The following ADAMTS12 variants were observed in gnomAD, a reference collection of about 807,000 sequenced individuals.
The protein encoded by ADAMTS12 is A disintegrin and metalloproteinase with thrombospondin motifs 12.
ADAMTS12 carries 118 observed loss-of-function variants against 167.8 expected under a neutral mutation model. The observed-to-expected ratio is 0.70, with a 90% CI of 0.61 to 0.82. The LOEUF (loss-of-function observed/expected upper bound fraction) is 0.82. Ranked by LOEUF, ADAMTS12 falls within the 40% of genes least tolerant of loss-of-function variation. The pLI, the probability that ADAMTS12 is intolerant of heterozygous loss-of-function variation, is 0.00. For synonymous variants in ADAMTS12, 704 were observed against 716.9 expected, an observed-to-expected ratio of 0.98 and a Z score of 0.29; for missense variants, 1,916 against 1,998.8, an observed-to-expected ratio of 0.96 and a Z score of 0.79.
In ADAMTS12 at chr5:33,576,458, C is replaced by G. The variant is rs754850430; in HGVS notation, c.3568G>C (p.Glu1190Gln). 6.2e-7 allele frequency: 1 copy of G among 1,609,498 alleles called. No individual in the cohort carries two copies. The highest frequency in any genetic ancestry group is 1.1e-5 in the South Asian group (1 of 90,176). ...IRVPGNDAPV[E>Q]STEMPLAPPL... ...GGTGCAAGTGGCATTTCTGTACTTT[C>G]CACTGGAGCGTCATTTCCAGGTACT... The change falls in exon 19 of 24, where the codon GAA becomes CAA. Residue 1190 changes from glutamate to glutamine, a missense_variant. Coordinates refer to ENST00000504830, the MANE Select transcript of ADAMTS12 (RefSeq NM_030955.4).
chr5:33,744,928 C>T (rs1455220106), intron 3 of ADAMTS12, among the ~76,000 whole-genome samples: 1 of 152,188 alleles, frequency 6.6e-6, no homozygotes, highest in Admixed American at 6.5e-5. Flanking sequence ...ATCCTTCTGC[C>T]TCAGCCTTCT....
Position 33,576,623 on chromosome 5 carries a change from G to A in ADAMTS12, c.3403C>T (p.Pro1135Ser), listed in dbSNP as rs143314233. The A allele has an allele frequency of 1.2e-6, 2 of 1,614,080 alleles. No homozygotes were observed. Among genetic ancestry groups the A allele is most frequent in the African/African-American group, 2.7e-5 (2 of 74,936 alleles). ...AATGGAGTCACAGGCCAAGTGATAGGGTTGCGGGAAGATGACAAGCCAGAA... is the reference window on the plus strand; with the variant it reads ...AATGGAGTCACAGGCCAAGTGATAGAGTTGCGGGAAGATGACAAGCCAGAA... ...SGSGLSSSRN[P>S]ITWPVTPFYN... Residue 1135 changes from proline (P) to serine (S), a missense_variant, in exon 19 of 24, where the codon CCT (proline) becomes TCT (serine). Physicochemically the swap from Pro to Ser is moderately conservative, Grantham distance 74 (BLOSUM62 -1). Coordinates refer to ENST00000504830, the MANE Select transcript of ADAMTS12 (RefSeq NM_030955.4).
chr5:33,770,331 T>C (rs1309208241), intron 2 of ADAMTS12, among the ~76,000 whole-genome samples: 2 of 152,092 alleles, frequency 1.3e-5, no homozygotes, highest in African/African-American at 4.8e-5. Context: ...CTGGGAAACA[T>C]TGGGGAAAAC....
At chr5:33,754,433 T>C (rs943479562) in intron 2 of ADAMTS12, among the ~76,000 whole-genome samples, 7 of 152,204 alleles carry the variant, frequency 4.6e-5, no homozygotes, top group Non-Finnish European at 8.8e-5. Context: ...AGCTCGAAGA[T>C]AAACATGCCC....
intron 5 of ADAMTS12, among the ~76,000 whole-genome samples, chr5:33,679,136 T>C (rs1012500739): frequency 2.0e-5 from 3 of 152,200 alleles, no homozygotes; most frequent in Admixed American, 6.5e-5. Flanking sequence ...AATCACTTTG[T>C]TTCGTTTGTA....
chr5:33,750,875 G>A (rs1250821599), intron 3 of ADAMTS12, among the ~76,000 whole-genome samples: 1 of 152,074 alleles, frequency 6.6e-6, no homozygotes, highest in East Asian at 1.9e-4. Context: ...GCCAAAAGAG[G>A]CTTTACTGAA....
intron 2 of ADAMTS12, among the ~76,000 whole-genome samples, chr5:33,773,717 G>C (rs561746346): frequency 6.6e-6 from 1 of 152,278 alleles, no homozygotes; most frequent in East Asian, 1.9e-4. Context: ...CTCTCCAGGA[G>C]CCTAGCCCAG....
At chr5:33,588,002 A>C (rs1435213657) in intron 18 of ADAMTS12, among the ~76,000 whole-genome samples, 1 of 152,230 alleles carries the variant, frequency 6.6e-6, no homozygotes, top group Non-Finnish European at 1.5e-5. Flanking sequence ...AGCCTGAGAG[A>C]GCTTTTCATA....
chr5:33,594,948 T>C (rs1747839530), intron 17 of ADAMTS12, among the ~76,000 whole-genome samples: 1 of 152,194 alleles, frequency 6.6e-6, no homozygotes, highest in Non-Finnish European at 1.5e-5. Flanking sequence ...GTCTCCCCCT[T>C]GTTTAAATGC....
At chr5:33,574,836 T>C (rs1049557168) in intron 19 of ADAMTS12, among the ~76,000 whole-genome samples, 9 of 152,204 alleles carry the variant, frequency 5.9e-5, no homozygotes, top group African/African-American at 9.6e-5. Context: ...TATTTTTATA[T>C]TAGCTGCTAA....
intron 16 of ADAMTS12, among the ~76,000 whole-genome samples, chr5:33,598,222 G>A (rs554475890): frequency 6.6e-6 from 1 of 152,210 alleles, no homozygotes; most frequent in South Asian, 2.1e-4. Flanking sequence ...ATATGCTACA[G>A]CCCTTGTATG....
intron 18 of ADAMTS12, among the ~76,000 whole-genome samples, chr5:33,582,434 A>G (rs1359804871): frequency 6.6e-6 from 1 of 152,184 alleles, no homozygotes. Flanking sequence ...CTATCCCTCC[A>G]TGCTCTCTTC....
At chr5:33,615,774 G>C in intron 15 of ADAMTS12, 54 bp downstream of exon 15, 2 of 1,597,692 alleles carry the variant, frequency 1.3e-6, no homozygotes, top group Non-Finnish European at 1.7e-6. Context: ...GGGGAAAAAG[G>C]AGAAGTATTC....
chr5:33,549,503 G>A (rs528337102), intron 20 of ADAMTS12, 120 bp from the exon 21 acceptor site: 33 of 1,216,356 alleles, frequency 2.7e-5, no homozygotes, highest in South Asian at 2.5e-4. Context: ...GTCTAGTTCC[G>A]GTGAACCCTG....
intron 19 of ADAMTS12, among the ~76,000 whole-genome samples, chr5:33,568,666 C>T (rs888594032): frequency 4.6e-5 from 7 of 152,230 alleles, no homozygotes; most frequent in African/African-American, 7.2e-5. Flanking sequence ...GCGTGAGTGA[C>T]GCAGAAGACG....
intron 2 of ADAMTS12, among the ~76,000 whole-genome samples, chr5:33,844,410 C>T (rs768076054): frequency 2.0e-5 from 3 of 152,170 alleles, no homozygotes. Flanking sequence ...AAAGAGAATG[C>T]GCCCCTGAGG....
rs1370698751 is a variant in ADAMTS12 at position 33,815,361 on chromosome 5, C to G, written c.490-63813G>C. On this transcript the variant is annotated intron_variant, in intron 2 of 23. Coordinates refer to ENST00000504830, the MANE Select transcript of ADAMTS12 (RefSeq NM_030955.4). Reference sequence around the variant, plus strand: ...TTAGATGAGGCACTGTGAGTAGAACCCTTATGCTGAATTAGTGCCATTATA... The same window carrying G: ...TTAGATGAGGCACTGTGAGTAGAACGCTTATGCTGAATTAGTGCCATTATA... Among the ~76,000 whole-genome samples, 3 of 152,078 alleles carry G rather than the reference C, an allele frequency of 2.0e-5. No individual in the cohort carries two copies. The East Asian group carries it at 5.8e-4, about 29-fold the overall frequency.
intron 9 of ADAMTS12, among the ~76,000 whole-genome samples, chr5:33,647,265 A>G (rs1740702036): frequency 1.3e-5 from 2 of 152,216 alleles, no homozygotes. Context: ...TAGGAAGGCC[A>G]TGAGATATTC....
chr5:33,805,712 G>C (rs1747198786), intron 2 of ADAMTS12, among the ~76,000 whole-genome samples: 1 of 152,150 alleles, frequency 6.6e-6, no homozygotes, highest in Admixed American at 6.5e-5. Flanking sequence ...GAGAAAAGAG[G>C]TTATGATATG....
Sources: gnomAD v4.1 joint callset for allele counts (sites outside exome capture counted in the v4.1 genomes callset) on GRCh38, gnomAD v4.1.1 for gene constraint, MANE v1.5 for transcripts, NCBI Gene and HGNC (gene_info 2026-07-23, HGNC 2026-07-21) for gene names.